The following CCDC192 variants were observed in gnomAD, a reference collection of about 807,000 sequenced individuals.
CCDC192 encodes coiled-coil domain containing 192.
At chr5:127,719,480 T>TATATATATACACACACACATAC (rs1561444748) in intron 2 of CCDC192, among the ~76,000 whole-genome samples, 5 of 51,624 alleles carry the variant, frequency 9.7e-5, no homozygotes, top group African/African-American at 3.0e-4. Flanking sequence ...CACATACATA[T>TATATATATACACACACACATAC]ATATATATAT....
chr5:127,816,050 A>G (rs189157278), intron 5 of CCDC192, among the ~76,000 whole-genome samples: 74 of 152,310 alleles, frequency 4.9e-4, no homozygotes, highest in Non-Finnish European at 9.4e-4. Flanking sequence ...CTATTAGACA[A>G]TGTACTTTAA....
intron 5 of CCDC192, among the ~76,000 whole-genome samples, chr5:127,859,706 G>C (rs777171418): frequency 2.0e-5 from 3 of 152,036 alleles, no homozygotes; most frequent in Non-Finnish European, 2.9e-5. Flanking sequence ...TTTTATCGAA[G>C]ATTCCCTTCT....
intron 3 of CCDC192, among the ~76,000 whole-genome samples, chr5:127,781,572 A>AT (rs1167676569): frequency 0.021 from 2,770 of 129,570 alleles, 57 homozygotes; most frequent in East Asian, 0.044. Flanking sequence ...ATTCCTAAGT[A>AT]TTCCTTTTTT....
At chr5:127,838,879 C>T (rs1179914375) in intron 5 of CCDC192, among the ~76,000 whole-genome samples, 1 of 152,330 alleles carries the variant, frequency 6.6e-6, no homozygotes, top group East Asian at 1.9e-4. Context: ...GCAGCAAAGA[C>T]TGTCGCTGGG....
At chr5:127,808,108 T>C (rs1405441148) in intron 5 of CCDC192, among the ~76,000 whole-genome samples, 1 of 152,184 alleles carries the variant, frequency 6.6e-6, no homozygotes, top group Admixed American at 6.5e-5. Context: ...CTGGGCTTGA[T>C]TTTATTCCAT....
Position 127,941,151 on chromosome 5 carries a change from G to T in CCDC192, c.536-31G>T, listed in dbSNP as rs907964969. ...ACTTCTGGGAAATCTAATCAAAACTGCTCAGACTTTCCTTTTCTTGTTTGC... is the reference window on the plus strand; with the variant it reads ...ACTTCTGGGAAATCTAATCAAAACTTCTCAGACTTTCCTTTTCTTGTTTGC... On this transcript the variant is annotated intron_variant, in intron 6 of 6. Coordinates refer to ENST00000514853, the MANE Select transcript of CCDC192 (RefSeq NM_001317938.2). The T allele has an allele frequency of 1.3e-5, 5 of 398,998 alleles. No individual in the cohort carries two copies. The South Asian group carries it at 5.1e-4, about 41-fold the overall frequency. The allele number at this position is 398,998 out of a possible 1,614,324, so 24.7% of individuals were successfully genotyped here.
At chr5:127,720,359 C>G (rs1751948808) in intron 2 of CCDC192, among the ~76,000 whole-genome samples, 1 of 152,228 alleles carries the variant, frequency 6.6e-6, no homozygotes, top group African/African-American at 2.4e-5. Flanking sequence ...TCCTTTGCCT[C>G]CATGTTTCAC....
intron 5 of CCDC192, among the ~76,000 whole-genome samples, chr5:127,851,708 G>A (rs543363679): frequency 2.0e-5 from 3 of 152,146 alleles, no homozygotes; most frequent in Non-Finnish European, 4.4e-5. Context: ...TGCCCGCCTC[G>A]GCCTCCCAAA....
intron 2 of CCDC192, among the ~76,000 whole-genome samples, chr5:127,743,466 C>T (rs1753549847): frequency 1.3e-5 from 2 of 152,152 alleles, no homozygotes; most frequent in Non-Finnish European, 1.5e-5. Flanking sequence ...TGTTGAGACG[C>T]AGACAAATGA....
At chr5:127,763,166 A>G (rs1407461586) in intron 3 of CCDC192, among the ~76,000 whole-genome samples, 2 of 152,010 alleles carry the variant, frequency 1.3e-5, no homozygotes, top group Non-Finnish European at 2.9e-5. Context: ...CTAATTATGT[A>G]TACTGAACAG....
intron 6 of CCDC192, among the ~76,000 whole-genome samples, chr5:127,880,993 A>C (rs1000548076): frequency 3.0e-4 from 45 of 152,142 alleles, no homozygotes; most frequent in African/African-American, 1.1e-3. Context: ...AAATAAAATA[A>C]AATATAGATA....
intron 2 of CCDC192, among the ~76,000 whole-genome samples, chr5:127,751,242 G>A (rs578068440): frequency 1.4e-4 from 22 of 152,218 alleles, no homozygotes; most frequent in South Asian, 6.2e-4. Flanking sequence ...TGATTTTGCA[G>A]CAGCTGGTAC....
chr5:127,911,696 C>T (rs971364683), intron 6 of CCDC192, among the ~76,000 whole-genome samples: 4 of 128,434 alleles, frequency 3.1e-5, no homozygotes, highest in African/African-American at 1.1e-4. Flanking sequence ...TTGCCTTATA[C>T]CACTTTTTTT....
chr5:127,882,075 C>T (rs1055171646), intron 6 of CCDC192, among the ~76,000 whole-genome samples: 1 of 152,178 alleles, frequency 6.6e-6, no homozygotes, highest in African/African-American at 2.4e-5. Flanking sequence ...CTTTGTTTTA[C>T]TCCCATTAAG....
In CCDC192 at chr5:127,871,124, C is replaced by T. The variant is rs771834028; in HGVS notation, c.412-4414C>T. Among the ~76,000 whole-genome samples the T allele has an allele frequency of 9.8e-5, 15 of 152,310 alleles. No homozygotes were observed. In the Middle Eastern group the frequency reaches 0.01, roughly 104 times the overall value. On this transcript the variant is annotated intron_variant, in intron 5 of 6. Transcript: ENST00000514853. ...GCAAGAGGCAGTGCCTTGGAGTGCT[C>T]CTCACATCATTACACGCAGGCAGCC...
At chr5:127,839,683 G>T (rs1750198074) in intron 5 of CCDC192, among the ~76,000 whole-genome samples, 1 of 152,048 alleles carries the variant, frequency 6.6e-6, no homozygotes, top group African/African-American at 2.4e-5. Flanking sequence ...ACTGGGCTCT[G>T]GAATGACTGT....
At position 127,941,364 on chromosome 5, in the gene CCDC192, C is replaced by T; in HGVS notation, c.718C>T (p.Pro240Ser). Residue 240 changes from proline to serine, a missense_variant, in exon 7 of 7, where the codon CCC (proline) becomes TCC (serine). By Grantham distance (74) the Pro-to-Ser change is moderately conservative (BLOSUM62 -1). Coordinates refer to ENST00000514853, the MANE Select transcript of CCDC192 (RefSeq NM_001317938.2). ...KIQQLEAERS[P>S]HPPQEVKDPP... Reference sequence around the variant, plus strand: ...TCAGCAGCTGGAAGCTGAGCGGAGTCCCCATCCTCCCCAAGAGGTCAAGGA... The same window carrying T: ...TCAGCAGCTGGAAGCTGAGCGGAGTTCCCATCCTCCCCAAGAGGTCAAGGA... 5.0e-6 allele frequency: 2 copies of T among 399,076 alleles called. No homozygotes were observed. The highest frequency in any genetic ancestry group is 3.6e-5 in the East Asian group (1 of 28,080). The allele number at this position is 399,076 out of a possible 1,614,324, so 24.7% of individuals were successfully genotyped here. A position where few individuals can be genotyped will look rare whatever the true frequency, so the allele number is the denominator to read the frequency against.
At chr5:127,882,808 A>G (rs1194586138) in intron 6 of CCDC192, among the ~76,000 whole-genome samples, 3 of 152,196 alleles carry the variant, frequency 2.0e-5, no homozygotes, top group African/African-American at 7.2e-5. Context: ...AGGCGTGAAT[A>G]GTTGTCCACT....
At chr5:127,907,283 T>C (rs143394873) in intron 6 of CCDC192, among the ~76,000 whole-genome samples, 134 of 152,264 alleles carry the variant, frequency 8.8e-4, no homozygotes, top group Admixed American at 2.2e-3. Flanking sequence ...ATAATTCATT[T>C]ATATAGGGGT....
Sources: gnomAD v4.1 joint callset for allele counts (sites outside exome capture counted in the v4.1 genomes callset) on GRCh38, gnomAD v4.1.1 for gene constraint, MANE v1.5 for transcripts, NCBI Gene and HGNC (gene_info 2026-07-23, HGNC 2026-07-21) for gene names.